The following CDKN2C variants were observed in gnomAD, a reference collection of about 807,000 sequenced individuals.
CDKN2C encodes cyclin-dependent kinase 4 inhibitor C.
Under a neutral mutation model 11.0 loss-of-function variants are expected in CDKN2C, and 5 were observed. That is an observed-to-expected ratio of 0.45 (90% CI 0.24 to 0.95). The LOEUF is 0.95. Ranked by LOEUF, CDKN2C falls within the 40% of genes least tolerant of loss-of-function variation. The pLI is 0.21. For missense variants in CDKN2C, 161 were observed against 211.9 expected (o/e 0.76, Z 1.49); for synonymous variants, 79 against 88.3 (o/e 0.89, Z 0.59).
Position 50,970,418 on chromosome 1 carries a change from A to T in CDKN2C, c.50A>T (p.Asp17Val). Reference sequence around the variant, plus strand: ...TTGGCGTCCGCAGCTGCCAGGGGGGACCTAGAGCAACTTACTAGTTTGTTG... The same window carrying T: ...TTGGCGTCCGCAGCTGCCAGGGGGGTCCTAGAGCAACTTACTAGTTTGTTG... ...NELASAAARGDLEQLTSLLQN... is the reference protein window; with the variant it reads ...NELASAAARGVLEQLTSLLQN... Residue 17 changes from aspartate (D) to valine (V), a missense_variant, in exon 1 of 2, where the codon GAC (aspartate) becomes GTC (valine). Asp to Val is a radical substitution (Grantham distance 152). Coordinates refer to ENST00000371761, the MANE Select transcript of CDKN2C (RefSeq NM_078626.3). 6.2e-7 allele frequency: 1 copy of T among 1,613,958 alleles called. No homozygotes were observed. The highest frequency in any genetic ancestry group is 8.5e-7 in the Non-Finnish European group (1 of 1,179,976).
chr1:50,962,128 CCCAA>C (rs1467337102), intron 1 of CDKN2C, among the ~76,000 whole-genome samples: 1 of 152,246 alleles, frequency 6.6e-6, no homozygotes, highest in Non-Finnish European at 1.5e-5. Flanking sequence ...TGCCTATAAT[CCCAA>C]CACTTTGGGA....
chr1:50,968,956 A>C (rs1403420590), upstream of CDKN2C: 1 of 152,876 alleles, frequency 6.5e-6, no homozygotes, highest in Non-Finnish European at 1.5e-5. Context: ...CCGGCGATCT[A>C]GGGGGGGATC....
At chr1:50,968,827 C>G (rs1324484388), upstream of CDKN2C, 1 of 152,200 alleles carries the variant, frequency 6.6e-6, no homozygotes, top group Non-Finnish European at 1.5e-5. Flanking sequence ...GGCACCCTCT[C>G]TGAGAGGCAA....
upstream of CDKN2C, chr1:50,970,193 G>A (rs1192661795): frequency 1.4e-6 from 1 of 716,010 alleles, no homozygotes; most frequent in Non-Finnish European, 2.3e-6. Context: ...GAATCGAGGG[G>A]CGGGCTTTTG....
chr1:50,968,039 G>C (rs1322804416), upstream of CDKN2C: 1 of 152,246 alleles, frequency 6.6e-6, no homozygotes, highest in Non-Finnish European at 1.5e-5. Context: ...CACAAGACTT[G>C]CTTTTTGTGA....
At chr1:50,967,471 G>C (rs150911638), upstream of CDKN2C, among the ~76,000 whole-genome samples, 499 of 152,194 alleles carry the variant, frequency 3.3e-3, no homozygotes, top group Admixed American at 6.9e-3. Flanking sequence ...CCAATCTCTT[G>C]CTGGATGATT....
At chr1:50,962,082 G>A (rs112256187) in intron 1 of CDKN2C, among the ~76,000 whole-genome samples, 3,067 of 152,224 alleles carry the variant, frequency 0.02, 103 homozygotes, top group African/African-American at 0.071. Context: ...ATTTTCAGCC[G>A]TAAGAAAATA....
intron 1 of CDKN2C, among the ~76,000 whole-genome samples, chr1:50,965,057 T>TATAGACAG (rs1553155134): frequency 6.8e-6 from 1 of 147,324 alleles, no homozygotes; most frequent in Admixed American, 6.8e-5. Context: ...GTCTCAAAAA[T>TATAGACAG]ATAGATAGAT....
upstream of CDKN2C, among the ~76,000 whole-genome samples, chr1:50,965,270 C>T (rs745845084): frequency 2.6e-5 from 4 of 151,396 alleles, no homozygotes; most frequent in Non-Finnish European, 4.4e-5. Flanking sequence ...GAGGCTGAGT[C>T]GGGCAGATCA....
intron 1 of CDKN2C, among the ~76,000 whole-genome samples, chr1:50,973,587 T>G (rs1488937595): frequency 2.0e-5 from 3 of 152,206 alleles, no homozygotes; most frequent in Non-Finnish European, 1.5e-5. Context: ...TCATGGAACA[T>G]AGAGAACAGA....
rs761943092 is a variant in CDKN2C, at chr1:50,961,820, T to TACC, written c.-1976+1023_-1976+1025dup. ...GAGTGGGGATTACAGGTGTGAGCCA[T>TACC]ACCACCACACCCAGCAAGGCCTAGG... On this transcript the variant is annotated intron_variant, in intron 1 of 3. Transcript: ENST00000262662. Among the ~76,000 whole-genome samples, 4 of 152,318 alleles carry TACC rather than the reference T, an allele frequency of 2.6e-5. No individual in the cohort carries two copies. The East Asian group carries it at 7.7e-4, about 29-fold the overall frequency.
intron 1 of CDKN2C, among the ~76,000 whole-genome samples, chr1:50,971,748 C>T (rs971531768): frequency 6.6e-6 from 1 of 152,108 alleles, no homozygotes; most frequent in African/African-American, 2.4e-5. Flanking sequence ...TAAGATTTTA[C>T]AGGATTTTTG....
upstream of CDKN2C, chr1:50,967,792 C>T (rs924225346): frequency 5.9e-5 from 9 of 152,162 alleles, no homozygotes; most frequent in African/African-American, 2.2e-4. Flanking sequence ...CTCCCCAACC[C>T]CACATCCCCA....
upstream of CDKN2C, among the ~76,000 whole-genome samples, chr1:50,965,397 C>T (rs1645343395): frequency 6.6e-6 from 1 of 151,690 alleles, no homozygotes. Context: ...ACTCAGGAGG[C>T]TGAGGCAGGA....
Position 50,970,514 on chromosome 1 carries a change from G to T in CDKN2C, c.129+17G>T, listed in dbSNP as rs753009206. On this transcript the variant is annotated intron_variant, in intron 1 of 1. Coordinates refer to ENST00000371761, the MANE Select transcript of CDKN2C (RefSeq NM_078626.3). Reference sequence around the variant, plus strand: ...GCGCTGCAGGTTGGTATTAAGAGAGGTGGGGAAAACAAGTCAATAATGTTG... The same window carrying T: ...GCGCTGCAGGTTGGTATTAAGAGAGTTGGGGAAAACAAGTCAATAATGTTG... 1.1e-5 allele frequency: 17 copies of T among 1,614,026 alleles called. No homozygotes were observed. In the South Asian group the frequency reaches 1.9e-4, roughly 18 times the overall value.
At chr1:50,962,414 G>C (rs980077764) in intron 1 of CDKN2C, among the ~76,000 whole-genome samples, 19 of 152,100 alleles carry the variant, frequency 1.2e-4, no homozygotes, top group African/African-American at 3.9e-4. Flanking sequence ...TTTTTAAAAA[G>C]AAAGTAATTC....
At chr1:50,962,012 A>G (rs1445190730) in intron 1 of CDKN2C, among the ~76,000 whole-genome samples, 1 of 152,254 alleles carries the variant, frequency 6.6e-6, no homozygotes, top group Non-Finnish European at 1.5e-5. Context: ...CTGTGTTTAG[A>G]CCAGAATTAG....
intron 1 of CDKN2C, among the ~76,000 whole-genome samples, chr1:50,963,679 T>C (rs1645335350): frequency 6.6e-6 from 1 of 152,168 alleles, no homozygotes; most frequent in African/African-American, 2.4e-5. Context: ...AGAGTGGTTA[T>C]CTACTACAGA....
intron 1 of CDKN2C, among the ~76,000 whole-genome samples, chr1:50,971,174 A>C (rs550758066): frequency 6.6e-6 from 1 of 152,374 alleles, no homozygotes; most frequent in South Asian, 2.1e-4. Flanking sequence ...ATTTACAGGC[A>C]ACAATTGACA....
Sources: gnomAD v4.1 joint callset for allele counts (sites outside exome capture counted in the v4.1 genomes callset) on GRCh38, gnomAD v4.1.1 for gene constraint, MANE v1.5 for transcripts, NCBI Gene and HGNC (gene_info 2026-07-23, HGNC 2026-07-21) for gene names.